The following GRID2 variants were observed in gnomAD, a reference collection of about 807,000 sequenced individuals.
GRID2 encodes the protein glutamate receptor ionotropic, delta-2.
Under a neutral mutation model 114.8 loss-of-function variants are expected in GRID2, and 33 were observed. That is an observed-to-expected ratio of 0.29 (90% CI 0.22 to 0.38). GRID2 has a LOEUF of 0.38. Ranked by LOEUF, GRID2 falls within the 10% of genes least tolerant of loss-of-function variation. GRID2 has a pLI of 1.00. For synonymous variants in GRID2, 505 were observed against 449.9 expected, an observed-to-expected ratio of 1.12 and a Z score of -1.55; for missense variants, 1,184 against 1,257.7, an observed-to-expected ratio of 0.94 and a Z score of 0.89.
rs571173785 is a variant in GRID2, at chr4:93,714,959, CT to C, written c.2361-54247del. On this transcript the variant is annotated intron_variant, in intron 14 of 15. Transcript: ENST00000282020. ...ATTAGATCCCATTTGTCAATTTTTGCTTTTGTTTCAGTTGCTTTAGGTGTCT... is the reference window on the plus strand; with the variant it reads ...ATTAGATCCCATTTGTCAATTTTTGCTTTGTTTCAGTTGCTTTAGGTGTCT... 9.9e-4 allele frequency among the ~76,000 whole-genome samples: 151 copies of C among 152,240 alleles called. 1 individual carries two copies. The highest frequency in any genetic ancestry group is 1.9e-3 in the Non-Finnish European group (128 of 68,006).
At chr4:93,440,931 CAG>C (rs376865306) in intron 10 of GRID2, among the ~76,000 whole-genome samples, 61 of 152,078 alleles carry the variant, frequency 4.0e-4, no homozygotes, top group African/African-American at 1.4e-3. Flanking sequence ...AACTAAAGAA[CAG>C]AGAGTGAACA....
At chr4:93,626,467 A>T (rs778153763) in intron 14 of GRID2, 32 bp downstream of exon 14, 11 of 1,444,602 alleles carry the variant, frequency 7.6e-6, no homozygotes, top group Non-Finnish European at 1.1e-5. Context: ...ATAAGGGGAG[A>T]GATGAAATTT....
At chr4:92,548,401 A>ATATTTTTTTTTTTTTTT (rs1726385371) in intron 1 of GRID2, among the ~76,000 whole-genome samples, 1 of 60,808 alleles carries the variant, frequency 1.6e-5, no homozygotes, top group Non-Finnish European at 2.7e-5. Flanking sequence ...AGACTGTGTA[A>ATATTTTTTTTTTTTTTT]TTTTTTTTTT....
At chr4:93,591,291 T>A (rs1014911760) in intron 13 of GRID2, among the ~76,000 whole-genome samples, 2 of 151,928 alleles carry the variant, frequency 1.3e-5, no homozygotes, top group Non-Finnish European at 2.9e-5. Context: ...GTCAAAGGCC[T>A]TTTCTGCATC....
rs183642218 is a variant in GRID2, at chr4:93,743,707, G to A, written c.2361-25503G>A. ...ATAACTCACTCATCCCCAAGGAAGG[G>A]CATTAATTTATTCATGAGGAATCTG... On this transcript the variant is annotated intron_variant, in intron 14 of 15. Coordinates refer to ENST00000282020, the MANE Select transcript of GRID2 (RefSeq NM_001510.4). Among the ~76,000 whole-genome samples the A allele has an allele frequency of 2.3e-3, 355 of 152,264 alleles. 4 individuals are homozygous for A. The highest frequency in any genetic ancestry group is 0.014 in the Middle Eastern group (4 of 294).
intron 14 of GRID2, among the ~76,000 whole-genome samples, chr4:93,668,092 A>T (rs1397982376): frequency 6.6e-6 from 1 of 152,036 alleles, no homozygotes; most frequent in Admixed American, 6.6e-5. Flanking sequence ...CTTGTTATGC[A>T]TTAGCTATGG....
At chr4:92,904,320 C>A (rs145693970) in intron 2 of GRID2, among the ~76,000 whole-genome samples, 2,239 of 149,386 alleles carry the variant, frequency 0.015, 22 homozygotes, top group East Asian at 0.054. Flanking sequence ...AATTTTAATA[C>A]CTTATATAAA....
In GRID2 at chr4:92,471,531, T is replaced by G. The variant is rs1722033418; in HGVS notation, c.89-118600T>G. ...ATGATAATGGTAAAGTTCTTGCTTTTTAACTCTAACTGTTAACATTTTAAT... is the reference window on the plus strand; with the variant it reads ...ATGATAATGGTAAAGTTCTTGCTTTGTAACTCTAACTGTTAACATTTTAAT... On this transcript the variant is annotated intron_variant, in intron 1 of 15. Coordinates refer to ENST00000282020, the MANE Select transcript of GRID2 (RefSeq NM_001510.4). Among the ~76,000 whole-genome samples, 5 of 152,230 alleles carry G rather than the reference T, an allele frequency of 3.3e-5. No individual in the cohort carries two copies. In the South Asian group the frequency reaches 1.0e-3, roughly 32 times the overall value.
chr4:92,306,653 C>T (rs1162292201), intron 1 of GRID2, among the ~76,000 whole-genome samples: 1 of 152,128 alleles, frequency 6.6e-6, no homozygotes, highest in Non-Finnish European at 1.5e-5. Context: ...TTACAAATAC[C>T]TACAGCTTTT....
At chr4:92,608,781 G>C (rs1239620130) in intron 2 of GRID2, among the ~76,000 whole-genome samples, 2 of 151,464 alleles carry the variant, frequency 1.3e-5, no homozygotes, top group African/African-American at 2.4e-5. Context: ...TATTTTTATT[G>C]GTCTGATTAT....
At chr4:92,519,903 C>T (rs1724682002) in intron 1 of GRID2, among the ~76,000 whole-genome samples, 1 of 151,818 alleles carries the variant, frequency 6.6e-6, no homozygotes, top group African/African-American at 2.4e-5. Flanking sequence ...TGGATAAGGT[C>T]CACCCATATT....
chr4:93,103,437 C>T (rs1731891569), intron 3 of GRID2, among the ~76,000 whole-genome samples: 1 of 152,014 alleles, frequency 6.6e-6, no homozygotes, highest in South Asian at 2.1e-4. Context: ...GTAACTAAAA[C>T]AATGAAAGGT....
intron 5 of GRID2, among the ~76,000 whole-genome samples, chr4:93,209,894 G>A (rs1435351467): frequency 2.6e-5 from 4 of 151,992 alleles, no homozygotes; most frequent in Non-Finnish European, 5.9e-5. Flanking sequence ...ATCATATGAT[G>A]TATTATTTTG....
intron 1 of GRID2, among the ~76,000 whole-genome samples, chr4:92,346,519 C>T (rs1284346482): frequency 6.6e-6 from 1 of 152,028 alleles, no homozygotes; most frequent in Non-Finnish European, 1.5e-5. Context: ...GCAAGCACCA[C>T]CATGCCTGGC....
intron 2 of GRID2, among the ~76,000 whole-genome samples, chr4:93,083,712 A>G (rs1483251905): frequency 6.6e-6 from 1 of 151,820 alleles, no homozygotes; most frequent in Non-Finnish European, 1.5e-5. Context: ...AAAAAAAAAA[A>G]AAAAAATACA....
intron 2 of GRID2, among the ~76,000 whole-genome samples, chr4:92,939,884 A>G (rs1413621749): frequency 1.4e-5 from 2 of 146,784 alleles, no homozygotes; most frequent in African/African-American, 4.9e-5. Flanking sequence ...GTAGATATGC[A>G]GCATTATTTC....
At chr4:92,975,006 A>C (rs1434408529) in intron 2 of GRID2, among the ~76,000 whole-genome samples, 2 of 151,656 alleles carry the variant, frequency 1.3e-5, no homozygotes, top group Non-Finnish European at 2.9e-5. Context: ...AAATACAAAA[A>C]ATTAGCCGGG....
At chr4:93,454,105 C>T (rs1204397250) in intron 10 of GRID2, among the ~76,000 whole-genome samples, 1 of 151,986 alleles carries the variant, frequency 6.6e-6, no homozygotes, top group Non-Finnish European at 1.5e-5. Context: ...CAATATTTTT[C>T]TGCAAGTTCA....
chr4:92,433,995 TTAAC>T (rs1336839633), intron 1 of GRID2, among the ~76,000 whole-genome samples: 1 of 152,248 alleles, frequency 6.6e-6, no homozygotes, highest in Non-Finnish European at 1.5e-5. Flanking sequence ...GATCATGGAT[TTAAC>T]TTTCAGTTTT....
Sources: allele counts gnomAD v4.1 joint callset (sites outside exome capture counted in the v4.1 genomes callset), GRCh38; gene constraint gnomAD v4.1.1; transcripts MANE v1.5; gene names NCBI Gene and HGNC (gene_info 2026-07-23, HGNC 2026-07-21).